MAMDC2: variants seen among roughly 807,000 people sequenced by gnomAD.
MAMDC2 encodes MAM domain containing 2, also known as MAM domain-containing protein 2.
MAMDC2 carries 57 observed loss-of-function variants against 89.8 expected under a neutral mutation model. That is an observed-to-expected ratio of 0.63 (90% confidence interval 0.51 to 0.79). The LOEUF (loss-of-function observed/expected upper bound fraction) is 0.79. Among genes scored for constraint, MAMDC2 ranks in the 30% least tolerant of loss-of-function variants. The pLI is 0.00. For missense variants in MAMDC2, 800 were observed against 820.6 expected, an observed-to-expected ratio of 0.97 and a Z score of 0.31; for synonymous variants, 313 against 293.4, an observed-to-expected ratio of 1.07 and a Z score of -0.68.
chr9:70,145,701 A>T (rs1311596541), intron 9 of MAMDC2, among the ~76,000 whole-genome samples: 1 of 152,176 alleles, frequency 6.6e-6, no homozygotes, highest in Non-Finnish European at 1.5e-5. Flanking sequence ...GGATAAAATA[A>T]GCATTTTATT....
intron 2 of MAMDC2, among the ~76,000 whole-genome samples, chr9:70,078,821 G>A (rs562726415): frequency 6.6e-6 from 1 of 152,098 alleles, no homozygotes; most frequent in African/African-American, 2.4e-5. Flanking sequence ...GAAACAATGG[G>A]TAGCCAAGCC....
In MAMDC2 at chr9:70,176,747, C is replaced by G. The variant is rs186541347; in HGVS notation, c.1651+6116C>G. The stretch of plus-strand genomic sequence containing the variant: ...ATGTAAATAAGAAAAACAAGTTTTG[C>G]TACACTGTGCCCAGGGTACCTACAA... On this transcript the variant is annotated intron_variant, in intron 11 of 13. Coordinates refer to ENST00000377182, the MANE Select transcript of MAMDC2 (RefSeq NM_153267.5). Among the ~76,000 whole-genome samples the G allele has an allele frequency of 4.2e-4, 64 of 152,172 alleles. No homozygotes were observed. The East Asian group carries it at 0.01, about 24-fold the overall frequency.
At position 70,113,072 on chromosome 9, in the gene MAMDC2, G is replaced by C. The variant is rs754195958; in HGVS notation, c.583G>C (p.Gly195Arg). Residue 195 changes from glycine to arginine, a missense_variant, in exon 5 of 14, where the codon GGA becomes CGA. Gly to Arg is a moderately radical substitution (Grantham distance 125). Transcript: ENST00000377182. ...CAATGTGAACTGGTTTGTTGGAGGA[G>C]GAAGTATTCGGAATGTCCACTCCAT... ...NPNVNWFVGG[G>R]SIRNVHSILP... 6.2e-7 allele frequency: 1 copy of C among 1,614,124 alleles called. No homozygotes were observed. Among genetic ancestry groups the C allele is most frequent in the South Asian group, 1.1e-5 (1 of 91,086 alleles).
rs184056897 is a variant in MAMDC2, at chr9:70,209,409, T to G, written c.1652-8928T>G. On this transcript the variant is annotated intron_variant, in intron 11 of 13. Coordinates refer to ENST00000377182, the MANE Select transcript of MAMDC2 (RefSeq NM_153267.5). Reference sequence around the variant, plus strand: ...TCCATTTCTTCTAGATTTTCTAGTTTATTTTCATAGAGGTGTTTATAGTAT... The same window carrying G: ...TCCATTTCTTCTAGATTTTCTAGTTGATTTTCATAGAGGTGTTTATAGTAT... 4.0e-3 allele frequency among the ~76,000 whole-genome samples: 605 copies of G among 152,338 alleles called. 4 individuals are homozygous for G. Among genetic ancestry groups the G allele is most frequent in the African/African-American group, 0.014 (577 of 41,576 alleles).
chr9:70,202,017 T>C (rs1370111170), intron 11 of MAMDC2, among the ~76,000 whole-genome samples: 10 of 150,770 alleles, frequency 6.6e-5, no homozygotes, highest in Non-Finnish European at 1.2e-4. Context: ...CCTGGATTCA[T>C]AGATTTTTTG....
rs532328805 is a variant in MAMDC2 at position 70,196,128 on chromosome 9, T to G, written c.1652-22209T>G. Among the ~76,000 whole-genome samples, 208 of 152,156 alleles carry G rather than the reference T, an allele frequency of 1.4e-3. 1 individual carries two copies. The highest frequency in any genetic ancestry group is 4.8e-3 in the African/African-American group (200 of 41,506). On this transcript the variant is annotated intron_variant, in intron 11 of 13. Coordinates refer to ENST00000377182, the MANE Select transcript of MAMDC2 (RefSeq NM_153267.5). ...CTCCCATTTATTAAATGAGCAGATC[T>G]CATGAGACTTATTCACTACCACCAT...
At chr9:70,194,190 T>C (rs2032934983) in intron 11 of MAMDC2, 1 of 152,084 alleles carries the variant, frequency 6.6e-6, no homozygotes, top group Non-Finnish European at 1.5e-5. Flanking sequence ...CTGCATAACC[T>C]GGGGAATAAT....
chr9:70,195,378 C>T (rs1481804215), intron 11 of MAMDC2, among the ~76,000 whole-genome samples: 7 of 151,998 alleles, frequency 4.6e-5, no homozygotes. Context: ...TATTTCCTGC[C>T]GCCATTTACT....
At chr9:70,134,452 T>C (rs1297300224) in intron 7 of MAMDC2, among the ~76,000 whole-genome samples, 4 of 151,742 alleles carry the variant, frequency 2.6e-5, no homozygotes, top group Non-Finnish European at 4.4e-5. Context: ...GCCTAAGAGG[T>C]GATCCCATTC....
intron 11 of MAMDC2, among the ~76,000 whole-genome samples, chr9:70,198,578 TA>T (rs1230420721): frequency 6.6e-6 from 1 of 152,016 alleles, no homozygotes; most frequent in Non-Finnish European, 1.5e-5. Context: ...GTGAATAGAT[TA>T]AAAGTCATTC....
intron 9 of MAMDC2, among the ~76,000 whole-genome samples, chr9:70,152,284 AGAGTTTCCCT>A (rs367914218): frequency 0.069 from 10,442 of 152,200 alleles, 560 homozygotes; most frequent in East Asian, 0.22. Flanking sequence ...AGCAACGCTA[AGAGTTTCCCT>A]CAGACCATTC....
intron 9 of MAMDC2, among the ~76,000 whole-genome samples, chr9:70,145,599 C>T (rs1395015770): frequency 6.6e-6 from 1 of 152,204 alleles, no homozygotes; most frequent in East Asian, 1.9e-4. Flanking sequence ...CACATACAAG[C>T]AAATACCAGA....
At chr9:70,219,835 AT>A (rs2033525227) in intron 12 of MAMDC2, among the ~76,000 whole-genome samples, 1 of 152,204 alleles carries the variant, frequency 6.6e-6, no homozygotes. Context: ...GAGATGATGG[AT>A]TAATTTTGTT....
intron 11 of MAMDC2, among the ~76,000 whole-genome samples, chr9:70,207,966 G>A (rs901057290): frequency 1.1e-4 from 17 of 151,998 alleles, no homozygotes; most frequent in Admixed American, 6.6e-4. Context: ...ATTTCTGAGG[G>A]CTCTGTTCTG....
intron 9 of MAMDC2, among the ~76,000 whole-genome samples, chr9:70,154,777 G>C (rs1471288343): frequency 1.3e-5 from 2 of 152,076 alleles, no homozygotes; most frequent in African/African-American, 2.4e-5. Flanking sequence ...CTCCCAAAGT[G>C]CTGGGATTAC....
intron 2 of MAMDC2, among the ~76,000 whole-genome samples, chr9:70,059,824 C>G (rs576563856): frequency 9.2e-5 from 14 of 152,280 alleles, no homozygotes; most frequent in Non-Finnish European, 1.9e-4. Flanking sequence ...CTGCCACACC[C>G]AAATACCCAA....
At chr9:70,158,297 T>C (rs2118478602) in intron 9 of MAMDC2, among the ~76,000 whole-genome samples, 1 of 152,262 alleles carries the variant, frequency 6.6e-6, no homozygotes, top group East Asian at 1.9e-4. Flanking sequence ...TCTATCAAAA[T>C]ATTTTAAAAA....
chr9:70,110,343 A>C (rs3015218), intron 4 of MAMDC2, among the ~76,000 whole-genome samples: 1,606 of 152,300 alleles, frequency 0.011, 36 homozygotes, highest in African/African-American at 0.037. Context: ...TCTACATTGA[A>C]GCTAGTTCTG....
At chr9:70,170,139 A>G (rs902810322) in intron 10 of MAMDC2, 10 of 220,454 alleles carry the variant, frequency 4.5e-5, no homozygotes, top group African/African-American at 2.0e-4. Context: ...AAATTTTATT[A>G]TTTTCCATAT....
Sources: gnomAD v4.1 joint callset for allele counts (sites outside exome capture counted in the v4.1 genomes callset) on GRCh38, gnomAD v4.1.1 for gene constraint, MANE v1.5 for transcripts, NCBI Gene and HGNC (gene_info 2026-07-23, HGNC 2026-07-21) for gene names.